Variants in SEMA3C observed in about 807,000 individuals in gnomAD.
The protein encoded by SEMA3C is semaphorin 3C.
Under a neutral mutation model 89.4 loss-of-function variants are expected in SEMA3C, and 47 were observed. The observed-to-expected ratio is 0.53, with a 90% CI of 0.42 to 0.67. The LOEUF is 0.67. SEMA3C is among the 30% of genes least tolerant of loss of function. The probability of loss-of-function intolerance (pLI) is 0.00; values close to 1 mark genes in which losing one functional copy is unlikely to be tolerated. For synonymous variants in SEMA3C, 310 were observed against 320.2 expected (o/e 0.97, Z 0.34); for missense variants, 839 against 929.1 (o/e 0.90, Z 1.26).
intron 2 of SEMA3C, among the ~76,000 whole-genome samples, chr7:80,860,906 A>C (rs1466166479): frequency 6.6e-6 from 1 of 152,186 alleles, no homozygotes; most frequent in Non-Finnish European, 1.5e-5. Flanking sequence ...GCATACTTTC[A>C]ACAATTCTTC....
intron 2 of SEMA3C, among the ~76,000 whole-genome samples, chr7:80,838,656 T>C (rs1790193424): frequency 6.6e-6 from 1 of 152,166 alleles, no homozygotes; most frequent in African/African-American, 2.4e-5. Context: ...GTCTCACAGT[T>C]TCACATGGCT....
chr7:80,818,680 A>G (rs903350805), intron 4 of SEMA3C, among the ~76,000 whole-genome samples: 1 of 152,170 alleles, frequency 6.6e-6, no homozygotes, highest in Non-Finnish European at 1.5e-5. Context: ...AATCCCCCCA[A>G]AAATCTCATG....
intron 2 of SEMA3C, among the ~76,000 whole-genome samples, chr7:80,840,563 C>T (rs1229086030): frequency 2.1e-5 from 3 of 141,348 alleles, no homozygotes; most frequent in East Asian, 4.1e-4. Context: ...AGAGAGAGCG[C>T]GATGGTAAAT....
intron 2 of SEMA3C, among the ~76,000 whole-genome samples, chr7:80,861,900 T>C (rs1418924162): frequency 6.6e-6 from 1 of 152,176 alleles, no homozygotes; most frequent in Non-Finnish European, 1.5e-5. Context: ...CATCCCTTTA[T>C]GATTAAAACT....
intron 2 of SEMA3C, among the ~76,000 whole-genome samples, chr7:80,896,685 T>C (rs1188361282): frequency 6.6e-6 from 1 of 152,164 alleles, no homozygotes; most frequent in Non-Finnish European, 1.5e-5. Flanking sequence ...TGGTTGTTGT[T>C]TCTTCACAAC....
chr7:80,759,911 T>C (rs1231185810), intron 14 of SEMA3C, among the ~76,000 whole-genome samples: 2 of 152,190 alleles, frequency 1.3e-5, no homozygotes, highest in Non-Finnish European at 2.9e-5. Context: ...TCAGCTTCAT[T>C]AAAATACTTT....
At chr7:80,865,334 C>A (rs985661737) in intron 2 of SEMA3C, among the ~76,000 whole-genome samples, 10 of 152,134 alleles carry the variant, frequency 6.6e-5, no homozygotes, top group African/African-American at 2.4e-4. Context: ...ACTTAGCTAA[C>A]ATCTGTAGCC....
rs1440681689 is a variant in SEMA3C, at chr7:80,765,563, TTTTG to T, written c.1355-324_1355-321del. ...TCTTATAATACAATACATAAGTTTTTTTTGTTTTGTTTTGTTTTGTTTTGTTTGT... is the reference window on the plus strand; with the variant it reads ...TCTTATAATACAATACATAAGTTTTTTTTTGTTTTGTTTTGTTTTGTTTGT... On this transcript the variant is annotated intron_variant, in intron 12 of 17. Coordinates refer to ENST00000265361, the MANE Select transcript of SEMA3C (RefSeq NM_006379.5). Among the ~76,000 whole-genome samples the T allele has an allele frequency of 4.3e-5, 6 of 140,024 alleles. No individual in the cohort carries two copies. The East Asian group carries it at 8.2e-4, about 19-fold the overall frequency. 91.9% of individuals were successfully genotyped at this position (140,024 alleles called of 152,430 possible). A position where few individuals can be genotyped will look rare whatever the true frequency, so the allele number is the denominator to read the frequency against.
At chr7:80,761,569 A>G (rs1284234739) in intron 14 of SEMA3C, 47 bp downstream of exon 14, 2 of 1,035,386 alleles carry the variant, frequency 1.9e-6, no homozygotes, top group Non-Finnish European at 2.9e-6. Context: ...TTTCATAACA[A>G]CAAAACATTT....
At chr7:80,827,544 G>T in intron 3 of SEMA3C, 57 bp from the exon 4 acceptor site, 1 of 1,380,778 alleles carries the variant, frequency 7.2e-7, no homozygotes. Context: ...TGACAGCCCA[G>T]TGCTCTTCAT....
intron 2 of SEMA3C, among the ~76,000 whole-genome samples, chr7:80,880,828 G>C (rs754502424): frequency 1.6e-4 from 25 of 152,136 alleles, no homozygotes. Flanking sequence ...AGGAGGCTGA[G>C]ACAGAAGAAT....
At chr7:80,784,661 A>G (rs1414007353) in intron 12 of SEMA3C, among the ~76,000 whole-genome samples, 4 of 152,144 alleles carry the variant, frequency 2.6e-5, no homozygotes, top group Non-Finnish European at 5.9e-5. Flanking sequence ...TGGCTGGCTA[A>G]AAGGTCTCTG....
In SEMA3C at chr7:80,758,371, C is replaced by T; in HGVS notation, c.1603G>A (p.Asp535Asn). 6.2e-7 allele frequency: 1 copy of T among 1,614,004 alleles called. No individual in the cohort carries two copies. The highest frequency in any genetic ancestry group is 8.5e-7 in the Non-Finnish European group (1 of 1,179,982). Residue 535 changes from aspartate to asparagine, a missense_variant, in exon 15 of 18, where the codon GAT (aspartate) becomes AAT (asparagine). Transcript: ENST00000265361. The stretch of plus-strand genomic sequence containing the variant: ...TAGAATCTGGAACAGGAATGGCCAT[C>T]CCAGGCGCAATAAGGGTCCCGCGCC... ...CLARDPYCAW[D>N]GHSCSRFYPT...
At chr7:80,853,068 G>A (rs367727526) in intron 2 of SEMA3C, among the ~76,000 whole-genome samples, 2 of 152,050 alleles carry the variant, frequency 1.3e-5, no homozygotes, top group East Asian at 3.9e-4. Flanking sequence ...ACTACAATAA[G>A]ATATTATCTC....
At chr7:80,770,331 A>G (rs1788401196) in intron 12 of SEMA3C, among the ~76,000 whole-genome samples, 1 of 152,210 alleles carries the variant, frequency 6.6e-6, no homozygotes, top group South Asian at 2.1e-4. Context: ...ATACTTATCA[A>G]ATGTTTTCCT....
intron 2 of SEMA3C, among the ~76,000 whole-genome samples, chr7:80,866,987 GT>G (rs1044390611): frequency 2.6e-5 from 4 of 152,192 alleles, no homozygotes; most frequent in African/African-American, 4.8e-5. Flanking sequence ...AGTTGAGCAA[GT>G]TTTAGGTAGA....
chr7:80,897,952 C>A (rs1006874523), intron 2 of SEMA3C, among the ~76,000 whole-genome samples: 1 of 152,120 alleles, frequency 6.6e-6, no homozygotes, highest in African/African-American at 2.4e-5. Context: ...GTAGTTAGAG[C>A]CTGGCATGCC....
In SEMA3C at chr7:80,878,106, G is replaced by A. The variant is rs1167976174; in HGVS notation, c.103+38573C>T. ...GAATAAAAAAAATGAGGCCGGGTGCGGTGGCTCACACCTGTAATCCCAGCA... is the reference window on the plus strand; with the variant it reads ...GAATAAAAAAAATGAGGCCGGGTGCAGTGGCTCACACCTGTAATCCCAGCA... On this transcript the variant is annotated intron_variant, in intron 2 of 17. Transcript: ENST00000265361. Among the ~76,000 whole-genome samples the A allele has an allele frequency of 4.6e-5, 7 of 152,268 alleles. No homozygotes were observed. In the South Asian group the frequency reaches 1.0e-3, roughly 23 times the overall value.
Position 80,779,672 on chromosome 7 carries a change from C to CT in SEMA3C, c.1354+9633dup, listed in dbSNP as rs369685242. On this transcript the variant is annotated intron_variant, in intron 12 of 17. Coordinates refer to ENST00000265361, the MANE Select transcript of SEMA3C (RefSeq NM_006379.5). ...ATGTGTATGGGTCATGGCTGACACA[C>CT]TCTTAGGTGACCCTTAATGAGTCAT... is the stretch of plus-strand genomic sequence containing the variant. 3.2e-4 allele frequency among the ~76,000 whole-genome samples: 49 copies of CT among 152,270 alleles called. No individual in the cohort carries two copies. The South Asian group carries it at 7.9e-3, about 24-fold the overall frequency.
Sources: allele counts gnomAD v4.1 joint callset (sites outside exome capture counted in the v4.1 genomes callset), GRCh38; gene constraint gnomAD v4.1.1; transcripts MANE v1.5; gene names NCBI Gene and HGNC (gene_info 2026-07-23, HGNC 2026-07-21).